Variants in ATL1 observed in about 807,000 individuals in gnomAD.
ATL1 encodes atlastin GTPase 1, also known as atlastin-1.
A neutral mutation model predicts 75.5 loss-of-function variants in ATL1; 31 were observed. That is an observed-to-expected ratio of 0.41 (90% confidence interval 0.31 to 0.55). The LOEUF (loss-of-function observed/expected upper bound fraction) is 0.55, where lower values mean the gene tolerates loss of function less well. Among genes scored for constraint, ATL1 ranks in the 20% least tolerant of loss-of-function variants. ATL1 has a pLI of 0.27. For missense variants in ATL1, 405 were observed against 662.6 expected, an observed-to-expected ratio of 0.61 and a Z score of 4.27; for synonymous variants, 226 against 233.3, an observed-to-expected ratio of 0.97 and a Z score of 0.28.
intron 1 of ATL1, among the ~76,000 whole-genome samples, chr14:50,583,946 G>A (rs1228665129): frequency 6.6e-6 from 1 of 151,960 alleles, no homozygotes; most frequent in African/African-American, 2.4e-5. Context: ...CAGACCACTT[G>A]AGGAAAGAAG....
At chr14:50,596,996 G>C (rs1226056813) in intron 6 of ATL1, among the ~76,000 whole-genome samples, 1 of 152,004 alleles carries the variant, frequency 6.6e-6, no homozygotes, top group East Asian at 1.9e-4. Flanking sequence ...GATTGCTTGA[G>C]GTCAGGAGTT....
At chr14:50,545,912 G>A (rs576299622) in intron 1 of ATL1, among the ~76,000 whole-genome samples, 7 of 152,166 alleles carry the variant, frequency 4.6e-5, no homozygotes, top group South Asian at 2.1e-4. Flanking sequence ...GAGCTCAAAT[G>A]TTTCACCTTC....
intron 1 of ATL1, among the ~76,000 whole-genome samples, chr14:50,539,249 T>C (rs1411392021): frequency 6.6e-6 from 1 of 152,200 alleles, no homozygotes; most frequent in Non-Finnish European, 1.5e-5. Flanking sequence ...AGTGTCAGTG[T>C]AGGGCACAAC....
intron 1 of ATL1, 48 bp from the exon 2 acceptor site, chr14:50,587,783 T>G (rs777311737): frequency 5.6e-6 from 9 of 1,613,468 alleles, no homozygotes; most frequent in Non-Finnish European, 5.1e-6. Context: ...ATACATTTCT[T>G]GGCACTTTGA....
At chr14:50,540,223 A>C (rs892653709) in intron 1 of ATL1, among the ~76,000 whole-genome samples, 1 of 152,344 alleles carries the variant, frequency 6.6e-6, no homozygotes, top group East Asian at 1.9e-4. Context: ...GATTGCAAGG[A>C]TAGGTGGTGC....
chr14:50,608,619 C>T (rs1415649469), intron 6 of ATL1, among the ~76,000 whole-genome samples: 2 of 151,898 alleles, frequency 1.3e-5, no homozygotes, highest in Non-Finnish European at 2.9e-5. Flanking sequence ...TTTATATTTG[C>T]TTCTATACCA....
intron 6 of ATL1, among the ~76,000 whole-genome samples, chr14:50,604,056 T>G (rs959762917): frequency 6.6e-6 from 1 of 152,072 alleles, no homozygotes; most frequent in African/African-American, 2.4e-5. Flanking sequence ...CTAAGCATTT[T>G]TCTTACATTA....
chr14:50,536,020 T>C (rs2038487082), intron 1 of ATL1, among the ~76,000 whole-genome samples: 1 of 152,266 alleles, frequency 6.6e-6, no homozygotes, highest in Non-Finnish European at 1.5e-5. Context: ...CATGACTTGC[T>C]CTTCCTTGCC....
At chr14:50,628,689 T>C in intron 12 of ATL1, 1 of 684,804 alleles carries the variant, frequency 1.5e-6, no homozygotes, top group Non-Finnish European at 2.7e-6. Flanking sequence ...TAAAAAAATA[T>C]ACATCAGTTT....
In ATL1 at chr14:50,613,491, C is replaced by A. The variant is rs78849529; in HGVS notation, c.723+140C>A. 3.9e-4 allele frequency: 272 copies of A among 701,642 alleles called. 2 individuals carry two copies. In the East Asian group the frequency reaches 6.1e-3, roughly 16 times the overall value. The allele number at this position is 701,642 out of a possible 1,614,324, so 43.5% of individuals were successfully genotyped here. On this transcript the variant is annotated intron_variant, in intron 7 of 13. Transcript: ENST00000358385. ...ATATTAATGACACAGGTGAAGAATTCTTTGTATATATCTATAAAACAATAA... is the reference window on the plus strand; with the variant it reads ...ATATTAATGACACAGGTGAAGAATTATTTGTATATATCTATAAAACAATAA...
At chr14:50,592,175 G>T (rs977352223) in intron 4 of ATL1, among the ~76,000 whole-genome samples, 2 of 151,270 alleles carry the variant, frequency 1.3e-5, no homozygotes, top group African/African-American at 4.9e-5. Context: ...TCTTATTTTT[G>T]AGGTTATTGT....
intron 1 of ATL1, among the ~76,000 whole-genome samples, chr14:50,553,032 C>T (rs565377738): frequency 1.3e-5 from 2 of 152,138 alleles, no homozygotes; most frequent in South Asian, 2.1e-4. Flanking sequence ...TGGTGGCTCA[C>T]GCCTGTAATC....
intron 1 of ATL1, among the ~76,000 whole-genome samples, chr14:50,534,355 T>C (rs141461836): frequency 1.8e-4 from 28 of 152,324 alleles, no homozygotes; most frequent in African/African-American, 5.8e-4. Flanking sequence ...TATAGTGTTT[T>C]TGAGATCAAG....
chr14:50,563,716 T>C (rs1304732341), intron 1 of ATL1, among the ~76,000 whole-genome samples: 1 of 152,184 alleles, frequency 6.6e-6, no homozygotes, highest in Admixed American at 6.5e-5. Context: ...TGCTGACTGC[T>C]AGAATTGAGG....
intron 1 of ATL1, among the ~76,000 whole-genome samples, chr14:50,573,019 C>T (rs1261290548): frequency 6.6e-6 from 1 of 152,034 alleles, no homozygotes; most frequent in Non-Finnish European, 1.5e-5. Context: ...GGTAAAAGCC[C>T]CTTACAAAAC....
chr14:50,619,002 T>C (rs533477280), intron 8 of ATL1, among the ~76,000 whole-genome samples: 59 of 152,230 alleles, frequency 3.9e-4, no homozygotes, highest in African/African-American at 1.3e-3. Context: ...GCGATTCTCC[T>C]GCCTCAGCCT....
chr14:50,540,935 G>A (rs2038552729), intron 1 of ATL1, among the ~76,000 whole-genome samples: 2 of 152,110 alleles, frequency 1.3e-5, no homozygotes, highest in Non-Finnish European at 2.9e-5. Context: ...AACTCCTCTT[G>A]GCTTGTGCAA....
At chr14:50,542,006 C>CAAAA (rs59075218) in intron 1 of ATL1, among the ~76,000 whole-genome samples, 9 of 62,474 alleles carry the variant, frequency 1.4e-4, no homozygotes, top group African/African-American at 2.4e-4. Context: ...GATTCCGTCT[C>CAAAA]AAAAAAAAAA....
chr14:50,597,183 T>C (rs2039226035), intron 6 of ATL1, among the ~76,000 whole-genome samples: 1 of 123,254 alleles, frequency 8.1e-6, no homozygotes, highest in Non-Finnish European at 1.6e-5. Flanking sequence ...CACTCTAGCC[T>C]GGGCGACAGA....
Sources: allele counts gnomAD v4.1 joint callset (sites outside exome capture counted in the v4.1 genomes callset), GRCh38; gene constraint gnomAD v4.1.1; transcripts MANE v1.5; gene names NCBI Gene and HGNC (gene_info 2026-07-23, HGNC 2026-07-21).